RANBP2: variants seen among roughly 807,000 people sequenced by gnomAD.
The protein encoded by RANBP2 is E3 SUMO-protein ligase RanBP2.
In RANBP2, 57 loss-of-function variants were observed where a neutral mutation model predicts 303.6. The ratio of observed to expected loss-of-function variants is 0.19; its 90% CI spans 0.15 to 0.23. The LOEUF (loss-of-function observed/expected upper bound fraction) is 0.23, where lower values mean the gene tolerates loss of function less well. RANBP2 is among the 10% of genes least tolerant of loss of function. The pLI is 1.00. For missense variants in RANBP2, 3,138 were observed against 3,780.8 expected, an observed-to-expected ratio of 0.83 and a Z score of 4.46; for synonymous variants, 1,167 against 1,301.5, an observed-to-expected ratio of 0.90 and a Z score of 2.23.
the RANBP2 span, among the ~76,000 whole-genome samples, chr2:109,289,757 T>C: frequency 6.6e-6 from 1 of 152,010 alleles, no homozygotes; most frequent in Admixed American, 6.6e-5. Context: ...GTCATGAAAA[T>C]ACACTTTTTT....
the RANBP2 span, among the ~76,000 whole-genome samples, chr2:109,667,449 T>C: frequency 6.6e-6 from 1 of 152,220 alleles, no homozygotes; most frequent in African/African-American, 2.4e-5. Flanking sequence ...GGCTGGAGTC[T>C]ATTTCCAGTC....
chr2:109,021,319 C>T, the RANBP2 span, among the ~76,000 whole-genome samples: 3 of 151,928 alleles, frequency 2.0e-5, no homozygotes, highest in Non-Finnish European at 4.4e-5. Flanking sequence ...GTCAGGAGAT[C>T]GAGACCATCC....
At chr2:109,098,750 T>C in the RANBP2 span, among the ~76,000 whole-genome samples, 2 of 152,216 alleles carry the variant, frequency 1.3e-5, no homozygotes, top group African/African-American at 4.8e-5. Context: ...GCATCATGTA[T>C]TTTAGCAGAA....
intron 24 of RANBP2, 91 bp downstream of exon 24, chr2:108,776,027 C>T (rs1677870198): frequency 8.1e-6 from 9 of 1,112,014 alleles, no homozygotes; most frequent in Non-Finnish European, 1.2e-5. Flanking sequence ...TGAAAACTCC[C>T]TTTAAAACAC....
At position 108,754,985 on chromosome 2, in the gene RANBP2, T is replaced by G; in HGVS notation, c.2283T>G (p.Pro761=). 6.2e-7 allele frequency: 1 copy of G among 1,611,870 alleles called. No homozygotes were observed. Among genetic ancestry groups the G allele is most frequent in the Non-Finnish European group, 8.5e-7 (1 of 1,179,812 alleles). ...QELEDYSEGG[P]LYKNGSLRNA... The stretch of plus-strand genomic sequence containing the variant: ...TCGAAGACTATAGTGAAGGAGGTCC[T>G]CTCTATAAAAATGGTTCTTTGCGAA... The change falls in exon 16 of 29, where the codon CCT becomes CCG. Residue 761 remains proline (P), a synonymous_variant. Transcript: ENST00000283195.
chr2:109,078,096 A>ATATATATATATATATATATATATAGCG, the RANBP2 span, among the ~76,000 whole-genome samples: 11 of 54,630 alleles, frequency 2.0e-4, no homozygotes, highest in African/African-American at 1.2e-3. Flanking sequence ...ATATATATAT[A>ATATATATATATATATATATATATAGCG]TATATATATA....
the RANBP2 span, among the ~76,000 whole-genome samples, chr2:108,840,621 A>G: frequency 2.6e-5 from 4 of 152,110 alleles, no homozygotes; most frequent in African/African-American, 7.2e-5. Context: ...AGTTTTTCAT[A>G]GTATTCTCTT....
the RANBP2 span, among the ~76,000 whole-genome samples, chr2:109,222,441 A>C: frequency 6.6e-6 from 1 of 152,230 alleles, no homozygotes; most frequent in South Asian, 2.1e-4. Context: ...AAAATATTAT[A>C]TGTACCCCAT....
the RANBP2 span, among the ~76,000 whole-genome samples, chr2:109,292,553 T>TA: frequency 6.6e-6 from 1 of 152,226 alleles, no homozygotes; most frequent in Non-Finnish European, 1.5e-5. Flanking sequence ...TTTCTCTACT[T>TA]TAAATGACAT....
the RANBP2 span, among the ~76,000 whole-genome samples, chr2:109,049,466 A>G: frequency 6.6e-6 from 1 of 152,150 alleles, no homozygotes; most frequent in East Asian, 1.9e-4. Context: ...TGTCCTGTTC[A>G]GAGAAACCTT....
At chr2:109,594,293 G>A in the RANBP2 span, among the ~76,000 whole-genome samples, 1 of 152,018 alleles carries the variant, frequency 6.6e-6, no homozygotes. Context: ...TGCAAATGGT[G>A]TCAATGAGAA....
chr2:109,712,867 G>A, the RANBP2 span, among the ~76,000 whole-genome samples: 2 of 152,126 alleles, frequency 1.3e-5, no homozygotes, highest in African/African-American at 4.8e-5. Flanking sequence ...ATATTCACAG[G>A]CCCCTAAAGC....
At chr2:108,817,234 CT>C in the RANBP2 span, among the ~76,000 whole-genome samples, 2 of 152,066 alleles carry the variant, frequency 1.3e-5, no homozygotes, top group Non-Finnish European at 2.9e-5. Flanking sequence ...ACTCAACCCC[CT>C]CTTGCTGGCT....
the RANBP2 span, among the ~76,000 whole-genome samples, chr2:109,234,423 G>A: frequency 6.6e-6 from 1 of 152,192 alleles, no homozygotes; most frequent in Admixed American, 6.5e-5. Flanking sequence ...TTTTGACCAC[G>A]AATGTCTCAT....
chr2:109,361,745 T>C, the RANBP2 span, among the ~76,000 whole-genome samples: 121 of 152,308 alleles, frequency 7.9e-4, no homozygotes, highest in East Asian at 0.011. Flanking sequence ...CAAAGTGTTA[T>C]TCAGTTTCTT....
chr2:108,928,583 G>A, the RANBP2 span, among the ~76,000 whole-genome samples: 11 of 152,202 alleles, frequency 7.2e-5, no homozygotes, highest in Non-Finnish European at 1.2e-4. Flanking sequence ...ATGTGTTGTG[G>A]CCACTAGGGG....
chr2:109,471,988 G>A, the RANBP2 span, among the ~76,000 whole-genome samples: 1 of 152,210 alleles, frequency 6.6e-6, no homozygotes, highest in Non-Finnish European at 1.5e-5. Flanking sequence ...CCAATTCAGG[G>A]AGAAGCAGAG....
At chr2:108,857,066 CTTTTTTTTTTTTTTTTTTT>C in the RANBP2 span, 8 of 44,066 alleles carry the variant, frequency 1.8e-4, no homozygotes, top group South Asian at 9.6e-4. Context: ...GATACTATTG[CTTTTTTTTTTTTTTTTTTT>C]TTTTTTTTTT....
chr2:109,319,823 C>T, the RANBP2 span, among the ~76,000 whole-genome samples: 1 of 152,218 alleles, frequency 6.6e-6, no homozygotes, highest in Non-Finnish European at 1.5e-5. Flanking sequence ...ACAAAGGCAC[C>T]TCTGTCCCCT....
Sources: gnomAD v4.1 joint callset for allele counts (sites outside exome capture counted in the v4.1 genomes callset) on GRCh38, gnomAD v4.1.1 for gene constraint, MANE v1.5 for transcripts, NCBI Gene and HGNC (gene_info 2026-07-23, HGNC 2026-07-21) for gene names.